Variants in THBS4 observed in about 807,000 individuals in gnomAD.
THBS4 encodes thrombospondin-4.
Under a neutral mutation model 115.7 loss-of-function variants are expected in THBS4, and 90 were observed. The ratio of observed to expected loss-of-function variants is 0.78; its 90% confidence interval spans 0.66 to 0.93. THBS4 has a LOEUF of 0.93. THBS4 is among the 40% of genes least tolerant of loss of function. The pLI is 0.00. For missense variants in THBS4, 1,087 were observed against 1,232.7 expected, an observed-to-expected ratio of 0.88 and a Z score of 1.77; for synonymous variants, 460 against 479.3, an observed-to-expected ratio of 0.96 and a Z score of 0.53.
chr5:80,007,892 A>G (rs1435943627), intron 2 of THBS4, among the ~76,000 whole-genome samples: 3 of 152,144 alleles, frequency 2.0e-5, no homozygotes, highest in African/African-American at 7.2e-5. Context: ...CTCAAATAGT[A>G]ATTAGTTGGT....
intron 2 of THBS4, among the ~76,000 whole-genome samples, chr5:80,029,543 T>C (rs971787539): frequency 2.6e-5 from 4 of 152,256 alleles, no homozygotes; most frequent in Non-Finnish European, 1.5e-5. Context: ...AAGAGGTTAA[T>C]GATAATTTTT....
At chr5:80,034,038 C>A (rs1331654374), upstream of THBS4, among the ~76,000 whole-genome samples, 1 of 152,138 alleles carries the variant, frequency 6.6e-6, no homozygotes, top group Non-Finnish European at 1.5e-5. Context: ...CCTCTCAAAC[C>A]CAGGCCACTC....
chr5:80,050,209 CAG>C (rs776079160), intron 2 of THBS4, among the ~76,000 whole-genome samples: 8 of 152,168 alleles, frequency 5.3e-5, no homozygotes, highest in Non-Finnish European at 7.3e-5. Context: ...TTTATCAAGA[CAG>C]GGGAATTGCA....
chr5:80,037,363 A>G (rs1178419169), intron 1 of THBS4, among the ~76,000 whole-genome samples: 1 of 152,126 alleles, frequency 6.6e-6, no homozygotes, highest in Non-Finnish European at 1.5e-5. Context: ...GGATAATTTG[A>G]TTATCTCCTT....
intron 2 of THBS4, chr5:80,019,927 AAG>A (rs1277058405): frequency 6.5e-6 from 1 of 154,602 alleles, no homozygotes; most frequent in African/African-American, 2.4e-5. Flanking sequence ...ACACCAGAAA[AAG>A]AATTCTTCCA....
In THBS4 at chr5:80,072,397, G is replaced by T. The variant is rs111310197; in HGVS notation, c.1839+1G>T. The T allele has an allele frequency of 2.5e-6, 4 of 1,612,632 alleles. No individual in the cohort carries two copies. Among genetic ancestry groups the T allele is most frequent in the Admixed American group, 3.3e-5 (2 of 60,006 alleles). ...TCCTGATGTCAGCAACCCTAACCAG[G>T]TTAGTAGGATACTGGGGAATTCAAA... On this transcript the variant is annotated splice_donor_variant, in intron 14 of 21. Transcript: ENST00000350881. LOFTEE classifies it high-confidence loss of function.
rs1317360261 is a variant in THBS4 at position 80,071,074 on chromosome 5, C to A, written c.1614C>A (p.Ile538=). The change falls in exon 13 of 22, where the codon ATC becomes ATA. Residue 538 remains isoleucine, a synonymous_variant. Transcript: ENST00000350881. The stretch of plus-strand genomic sequence containing the variant: ...ACCAAAGGAACAGCGATAAAGATAT[C>A]TTTGGGGATGCCTGTGATAACTGCC... The part of the protein sequence containing the change: ...NVDQRNSDKD[I]FGDACDNCLS... 1 of 1,612,908 alleles carries A rather than the reference C, an allele frequency of 6.2e-7. No homozygotes were observed. The highest frequency in any genetic ancestry group is 1.7e-5 in the Admixed American group (1 of 59,646).
At chr5:80,066,394 G>T (rs188099811) in intron 9 of THBS4, 1 of 152,068 alleles carries the variant, frequency 6.6e-6, no homozygotes, top group African/African-American at 2.4e-5. Flanking sequence ...CTCATAAACA[G>T]GGATTATTAT....
At chr5:79,994,292 G>A (rs1177037384) in intron 1 of THBS4, among the ~76,000 whole-genome samples, 1 of 152,166 alleles carries the variant, frequency 6.6e-6, no homozygotes, top group Non-Finnish European at 1.5e-5. Context: ...GTAGGTGGTA[G>A]AACCAAGATT....
In THBS4 at chr5:80,079,630, C is replaced by T. The variant is rs201949572; in HGVS notation, c.2512-275C>T. 7.9e-5 allele frequency among the ~76,000 whole-genome samples: 12 copies of T among 152,288 alleles called. 1 individual carries two copies. In the East Asian group the frequency reaches 1.7e-3, roughly 22 times the overall value. ...CACAAGGCTGACTTAAGTAGCCAGA[C>T]GTTTGATAGGAGCCCTCATTGGGCA... On this transcript the variant is annotated intron_variant, in intron 19 of 21. Coordinates refer to ENST00000350881, the MANE Select transcript of THBS4 (RefSeq NM_003248.6).
chr5:80,060,009 T>A, intron 7 of THBS4, 104 bp downstream of exon 7: 1 of 1,103,856 alleles, frequency 9.1e-7, no homozygotes, highest in Non-Finnish European at 1.3e-6. Context: ...ACTTGGGCTG[T>A]CCTCCAGGCT....
chr5:80,009,182 CAG>C, intron 2 of THBS4, among the ~76,000 whole-genome samples: 1 of 152,164 alleles, frequency 6.6e-6, no homozygotes, highest in Non-Finnish European at 1.5e-5. Flanking sequence ...ACAGTTAGTA[CAG>C]AGTCTGCTGA....
At position 80,081,410 on chromosome 5, in the gene THBS4, G is replaced by A. The variant is rs139699685; in HGVS notation, c.2685-996G>A. On this transcript the variant is annotated intron_variant, in intron 20 of 21. Coordinates refer to ENST00000350881, the MANE Select transcript of THBS4 (RefSeq NM_003248.6). ...CACGTATAATCTAGAAAATCAATGT[G>A]AGCCCTAACAATATCATAGAGAAAT... is the stretch of plus-strand genomic sequence containing the variant. Among the ~76,000 whole-genome samples the A allele has an allele frequency of 3.8e-4, 58 of 152,078 alleles. 1 individual carries two copies. The East Asian group carries it at 9.5e-3, about 25-fold the overall frequency.
intron 2 of THBS4, among the ~76,000 whole-genome samples, chr5:80,049,273 A>G (rs1364702805): frequency 6.6e-6 from 1 of 152,170 alleles, no homozygotes; most frequent in Admixed American, 6.5e-5. Flanking sequence ...CAGTCACTGA[A>G]ATCGTATTTA....
chr5:80,005,304 G>A (rs181229396), intron 2 of THBS4, among the ~76,000 whole-genome samples: 1 of 152,242 alleles, frequency 6.6e-6, no homozygotes, highest in Admixed American at 6.5e-5. Flanking sequence ...AAAAGAAATA[G>A]ATTATGGATT....
intron 17 of THBS4, 43 bp from the exon 18 acceptor site, chr5:80,078,878 G>T: frequency 6.3e-7 from 1 of 1,587,402 alleles, no homozygotes; most frequent in Non-Finnish European, 8.6e-7. Flanking sequence ...AGGTTACTTG[G>T]CCCCTTCAAG....
chr5:80,040,322 T>A (rs1561303989), intron 2 of THBS4, 42 bp downstream of exon 2: 6 of 1,500,874 alleles, frequency 4.0e-6, no homozygotes, highest in Non-Finnish European at 4.6e-6. Context: ...AAATCTCCTT[T>A]TTCTATTCCA....
At chr5:79,993,465 T>A (rs1314714270) in intron 1 of THBS4, among the ~76,000 whole-genome samples, 1 of 152,232 alleles carries the variant, frequency 6.6e-6, no homozygotes. Context: ...CCTGGCTGTT[T>A]TAGAGTATTG....
intron 2 of THBS4, among the ~76,000 whole-genome samples, chr5:80,013,924 ATAAGG>A (rs989656672): frequency 2.2e-4 from 33 of 152,214 alleles, no homozygotes; most frequent in African/African-American, 6.8e-4. Context: ...GAAGTTTACC[ATAAGG>A]TAAGAAGAAA....
Sources: gnomAD v4.1 joint callset for allele counts (sites outside exome capture counted in the v4.1 genomes callset) on GRCh38, gnomAD v4.1.1 for gene constraint, MANE v1.5 for transcripts, NCBI Gene and HGNC (gene_info 2026-07-23, HGNC 2026-07-21) for gene names.